KALRN: variants seen among roughly 807,000 people sequenced by gnomAD.
KALRN encodes kalirin RhoGEF kinase, also known as kalirin.
In KALRN, 70 loss-of-function variants were observed where a neutral mutation model predicts 353.7. The ratio of observed to expected loss-of-function variants is 0.20; its 90% CI spans 0.16 to 0.24. KALRN has a LOEUF of 0.24. Among genes scored for constraint, KALRN ranks in the 10% least tolerant of loss-of-function variants. The pLI is 1.00. For synonymous variants in KALRN, 1,391 were observed against 1,434.8 expected, an observed-to-expected ratio of 0.97 and a Z score of 0.69; for missense variants, 2,791 against 3,756.7, an observed-to-expected ratio of 0.74 and a Z score of 6.72.
At chr3:124,381,844 C>T (rs1004033872) in intron 10 of KALRN, among the ~76,000 whole-genome samples, 2 of 152,132 alleles carry the variant, frequency 1.3e-5, no homozygotes, top group Non-Finnish European at 2.9e-5. Context: ...TAGGGAGATA[C>T]CATGGAGATA....
At chr3:124,612,956 C>T (rs957371054) in intron 34 of KALRN, among the ~76,000 whole-genome samples, 25 of 152,318 alleles carry the variant, frequency 1.6e-4, no homozygotes, top group South Asian at 6.2e-4. Flanking sequence ...TAGGCAAGCT[C>T]CAGGAAAAGG....
intron 34 of KALRN, among the ~76,000 whole-genome samples, chr3:124,604,713 G>T (rs142864809): frequency 0.013 from 2,041 of 152,002 alleles, 43 homozygotes; most frequent in African/African-American, 0.046. Flanking sequence ...TAGAGACAGG[G>T]TCTCACTCTG....
intron 34 of KALRN, among the ~76,000 whole-genome samples, chr3:124,585,536 C>T (rs3863067): frequency 0.16 from 23,799 of 152,024 alleles, 2,012 homozygotes; most frequent in Middle Eastern, 0.19. Flanking sequence ...CTAATCTTAA[C>T]GTCGTGGAAG....
chr3:124,482,489 C>A (rs1275840993), intron 27 of KALRN, among the ~76,000 whole-genome samples: 6 of 151,608 alleles, frequency 4.0e-5, no homozygotes, highest in African/African-American at 9.7e-5. Context: ...TCCTTACCCT[C>A]CGCTCTGTTA....
At chr3:124,061,015 G>C (rs576952595) in intron 1 of KALRN, among the ~76,000 whole-genome samples, 1 of 152,330 alleles carries the variant, frequency 6.6e-6, no homozygotes, top group African/African-American at 2.4e-5. Context: ...CACTTACAAA[G>C]CACAGGTTCA....
At chr3:124,532,766 A>G (rs900736798) in intron 33 of KALRN, among the ~76,000 whole-genome samples, 2 of 152,132 alleles carry the variant, frequency 1.3e-5, no homozygotes, top group African/African-American at 4.8e-5. Flanking sequence ...CCACCACTGC[A>G]CTCCAGCTTG....
rs3836300 is a variant in KALRN at position 124,638,335 on chromosome 3, T to TA, written c.5664+1045dup. On this transcript the variant is annotated intron_variant, in intron 37 of 59. Transcript: ENST00000682506. ...TTCCTGCTAAATTTTCCTTTCTAAT[T>TA]AAAAAAAAAAAAACAAAAACCTGCT... Among the ~76,000 whole-genome samples the TA allele has an allele frequency of 8.0e-3, 1,168 of 146,754 alleles. 17 individuals are homozygous for TA. Among genetic ancestry groups the TA allele is most frequent in the Middle Eastern group, 0.049 (14 of 288 alleles).
chr3:124,368,561 G>T (rs1208739173), intron 10 of KALRN, among the ~76,000 whole-genome samples: 3 of 146,872 alleles, frequency 2.0e-5, no homozygotes, highest in Admixed American at 1.3e-4. Context: ...GGGCGGAGAC[G>T]CTCCTCACTT....
intron 9 of KALRN, among the ~76,000 whole-genome samples, chr3:124,343,966 C>T (rs1302432005): frequency 6.6e-6 from 1 of 152,220 alleles, no homozygotes; most frequent in Admixed American, 6.5e-5. Context: ...ACATGCTTCT[C>T]TGCTGCCTGA....
chr3:124,046,364 A>G (rs980551556), intron 1 of KALRN, among the ~76,000 whole-genome samples: 4 of 152,174 alleles, frequency 2.6e-5, no homozygotes, highest in African/African-American at 7.2e-5. Context: ...TTCTATGGCT[A>G]TGAGGAAAGA....
intron 38 of KALRN, among the ~76,000 whole-genome samples, chr3:124,654,229 G>T (rs1456456734): frequency 6.6e-6 from 1 of 152,236 alleles, no homozygotes; most frequent in African/African-American, 2.4e-5. Context: ...CCTTCCTGTG[G>T]CCTAAAACAC....
rs561559417 is a variant in KALRN at position 124,641,890 on chromosome 3, C to G, written c.5664+4587C>G. On this transcript the variant is annotated intron_variant, in intron 37 of 59. Coordinates refer to ENST00000682506, the MANE Select transcript of KALRN (RefSeq NM_001388419.1). ...ATTTCCCAAGTTTGAGAAACAAGAG[C>G]TTCCTGGCCATGTGAGAATCTAGTG... 2.3e-4 allele frequency among the ~76,000 whole-genome samples: 35 copies of G among 152,270 alleles called. No individual in the cohort carries two copies. The South Asian group carries it at 3.7e-3, about 16-fold the overall frequency.
intron 34 of KALRN, among the ~76,000 whole-genome samples, chr3:124,602,432 T>C (rs962970450): frequency 3.3e-5 from 5 of 152,130 alleles, no homozygotes; most frequent in African/African-American, 1.2e-4. Flanking sequence ...TGAAGAGAAA[T>C]GGATGCTGGG....
intron 57 of KALRN, among the ~76,000 whole-genome samples, chr3:124,711,497 C>T (rs2062886373): frequency 2.6e-5 from 4 of 152,126 alleles, no homozygotes; most frequent in South Asian, 4.1e-4. Flanking sequence ...CTCCTCTGCT[C>T]GTGGGTTAGG....
chr3:124,131,859 G>A (rs1408914653), intron 1 of KALRN, among the ~76,000 whole-genome samples: 2 of 152,144 alleles, frequency 1.3e-5, no homozygotes, highest in Non-Finnish European at 2.9e-5. Flanking sequence ...ATAATTATGT[G>A]ACACAAGGCA....
intron 1 of KALRN, among the ~76,000 whole-genome samples, chr3:124,068,931 TG>T: frequency 6.6e-6 from 1 of 152,332 alleles, no homozygotes; most frequent in East Asian, 1.9e-4. Flanking sequence ...CTCCAGGCCC[TG>T]GCAGTGCCTG....
chr3:124,246,324 A>G (rs2081113004), intron 3 of KALRN, among the ~76,000 whole-genome samples: 1 of 152,268 alleles, frequency 6.6e-6, no homozygotes, highest in African/African-American at 2.4e-5. Context: ...GAAAGACTAA[A>G]GGGATTGGTC....
intron 1 of KALRN, among the ~76,000 whole-genome samples, chr3:124,073,490 G>A (rs748877115): frequency 2.6e-4 from 39 of 152,192 alleles, no homozygotes; most frequent in Non-Finnish European, 3.5e-4. Context: ...ACTGAGAGCC[G>A]CAGAGCTGCA....
intron 28 of KALRN, among the ~76,000 whole-genome samples, chr3:124,486,127 G>A (rs1170079964): frequency 6.6e-6 from 1 of 152,152 alleles, no homozygotes; most frequent in African/African-American, 2.4e-5. Context: ...TAAATCTGCT[G>A]TGGCTTTACA....
Sources: allele counts gnomAD v4.1 joint callset (sites outside exome capture counted in the v4.1 genomes callset), GRCh38; gene constraint gnomAD v4.1.1; transcripts MANE v1.5; gene names NCBI Gene and HGNC (gene_info 2026-07-23, HGNC 2026-07-21).